Variants in SHROOM2 observed in about 807,000 individuals in gnomAD.
SHROOM2 encodes the protein shroom family member 2.
SHROOM2 carries 33 observed loss-of-function variants against 75.9 expected under a neutral mutation model. The ratio of observed to expected loss-of-function variants is 0.43; its 90% CI spans 0.33 to 0.58. The LOEUF is 0.58. Among genes scored for constraint, SHROOM2 ranks in the 20% least tolerant of loss-of-function variants. The pLI is 0.04. For missense variants in SHROOM2, 1,434 were observed against 1,461.2 expected (o/e 0.98, Z 0.30); for synonymous variants, 655 against 663.6 (o/e 0.99, Z 0.20).
At chrX:9,867,579 T>C (rs1275112055) in intron 1 of SHROOM2, among the ~76,000 whole-genome samples, 1 of 111,660 alleles carries the variant, frequency 9.0e-6, no homozygotes, top group Admixed American at 9.5e-5. Context: ...ATCATTGTGA[T>C]GCTATCACGC....
At chrX:9,796,650 TTTTGTTTG>T (rs1420670522) in intron 1 of SHROOM2, among the ~76,000 whole-genome samples, 1 of 110,007 alleles carries the variant, frequency 9.1e-6, no homozygotes, top group Non-Finnish European at 1.9e-5. Context: ...TTATTTGTTT[TTTTGTTTG>T]TTTTGATATG....
At chrX:9,915,907 T>TTC (rs756618334) in intron 5 of SHROOM2, among the ~76,000 whole-genome samples, 2 of 111,887 alleles carry the variant, frequency 1.8e-5, no homozygotes, top group African/African-American at 6.5e-5. Context: ...GATTGAGATT[T>TTC]TCTCTTAATT....
chrX:9,891,895 G>A (rs749510837), intron 3 of SHROOM2, among the ~76,000 whole-genome samples: 29 of 108,955 alleles, frequency 2.7e-4, no homozygotes, highest in East Asian at 8.8e-4. Flanking sequence ...GTGTGTGTGC[G>A]CGTGCGTGCA....
intron 5 of SHROOM2, among the ~76,000 whole-genome samples, chrX:9,913,871 T>C (rs2084457338): frequency 8.9e-6 from 1 of 111,998 alleles, no homozygotes; most frequent in Non-Finnish European, 1.9e-5. Context: ...AGTTGATGAA[T>C]GGTTGGCATA....
chrX:9,947,415 G>A lies in SHROOM2; in HGVS notation c.*478G>A, dbSNP rs1349692599. ...TTTGTCCCTGCTCGTTCAACAGTGT[G>A]AGCATTTGTCTCTGTTATCTAATGA... On this transcript the variant is annotated 3_prime_UTR_variant, in exon 10 of 10. Coordinates refer to ENST00000380913, the MANE Select transcript of SHROOM2 (RefSeq NM_001649.4). The A allele has an allele frequency of 8.2e-6, 1 of 121,273 alleles. No homozygotes were observed. The highest frequency in any genetic ancestry group is 1.7e-5 in the Non-Finnish European group (1 of 59,177). 10.0% of individuals were successfully genotyped at this position (121,273 alleles called of 1,213,427 possible).
At chrX:9,941,928 G>A (rs960862617) in intron 8 of SHROOM2, among the ~76,000 whole-genome samples, 9 of 97,383 alleles carry the variant, frequency 9.2e-5, no homozygotes, top group African/African-American at 2.7e-4. Context: ...CTGAGATAGC[G>A]CCACTGCACT....
intron 2 of SHROOM2, among the ~76,000 whole-genome samples, chrX:9,875,006 G>GGGAGGTC (rs2084190442): frequency 1.1e-5 from 1 of 93,946 alleles, no homozygotes; most frequent in Non-Finnish European, 2.1e-5. Context: ...CTTTGAGCCT[G>GGGAGGTC]GGAGGTCGAG....
In SHROOM2 at chrX:9,895,445, G is replaced by T. The variant is rs1449355450; in HGVS notation, c.1537G>T (p.Gly513Cys). Reference sequence around the variant, plus strand: ...CGAGAGTCTTCCCCCACCCACGGTGGGCCAGAGCCCACGCCATCACCTACC... The same window carrying T: ...CGAGAGTCTTCCCCCACCCACGGTGTGCCAGAGCCCACGCCATCACCTACC... ...ALESLPPPTVGQSPRHHLPQP... is the reference protein window; with the variant it reads ...ALESLPPPTVCQSPRHHLPQP... Residue 513 changes from glycine (G) to cysteine (C), a missense_variant, in exon 4 of 10, where the codon GGC (glycine) becomes TGC (cysteine). Coordinates refer to ENST00000380913, the MANE Select transcript of SHROOM2 (RefSeq NM_001649.4). 5 of 1,209,789 alleles carry T rather than the reference G, an allele frequency of 4.1e-6. No homozygotes were observed. The Admixed American group carries it at 6.5e-5, about 16-fold the overall frequency.
intron 1 of SHROOM2, chrX:9,819,088 A>T: frequency 8.3e-7 from 1 of 1,203,480 alleles, no homozygotes; most frequent in Non-Finnish European, 1.1e-6. Context: ...TTGAGAATGA[A>T]TGTGCAGAGT....
At chrX:9,859,201 C>T (rs1331901047) in intron 1 of SHROOM2, among the ~76,000 whole-genome samples, 2 of 111,987 alleles carry the variant, frequency 1.8e-5, no homozygotes, top group African/African-American at 6.5e-5. Flanking sequence ...AGCAACAGAG[C>T]GAGACTCCAT....
At position 9,944,744 on chromosome X, in the gene SHROOM2, T is replaced by C; in HGVS notation, c.4415T>C (p.Val1472Ala). 8.3e-7 allele frequency: 1 copy of C among 1,212,085 alleles called. No individual in the cohort carries two copies. Among genetic ancestry groups the C allele is most frequent in the Non-Finnish European group, 1.1e-6 (1 of 895,548 alleles). Residue 1472 changes from valine (V) to alanine (A), a missense_variant, in exon 9 of 10, where the codon GTG (valine) becomes GCG (alanine). By Grantham distance (64) the Val-to-Ala change is moderately conservative. Transcript: ENST00000380913. ...VQANTVLGAE[V>A]EAIVKGVCKP... The stretch of plus-strand genomic sequence containing the variant: ...GCCAACACCGTGCTGGGGGCCGAGG[T>C]GGAGGCCATCGTGAAAGGCGTCTGC...
At chrX:9,826,777 A>G (rs985667333) in intron 1 of SHROOM2, among the ~76,000 whole-genome samples, 1 of 112,338 alleles carries the variant, frequency 8.9e-6, no homozygotes, top group Admixed American at 9.5e-5. Context: ...CCCTGTCTCC[A>G]TAAAAAAGAA....
At chrX:9,808,473 A>T (rs957445459) in intron 1 of SHROOM2, among the ~76,000 whole-genome samples, 1 of 110,059 alleles carries the variant, frequency 9.1e-6, no homozygotes, top group African/African-American at 3.3e-5. Flanking sequence ...GGCTTGAGTC[A>T]GAGAGTTGGA....
At chrX:9,786,980 T>A (rs2083617817) in intron 1 of SHROOM2, among the ~76,000 whole-genome samples, 1 of 111,065 alleles carries the variant, frequency 9.0e-6, no homozygotes, top group African/African-American at 3.3e-5. Flanking sequence ...GGCCGGGTCC[T>A]CTGGCGCTCC....
intron 5 of SHROOM2, among the ~76,000 whole-genome samples, chrX:9,907,307 G>A (rs373223396): frequency 3.7e-4 from 41 of 110,772 alleles, no homozygotes; most frequent in African/African-American, 1.3e-3. Flanking sequence ...AACTGGAGCC[G>A]GTGTAACACA....
intron 2 of SHROOM2, 135 bp downstream of exon 2, chrX:9,873,938 G>T: frequency 1.7e-6 from 1 of 594,043 alleles, no homozygotes. Flanking sequence ...TATATGTCTC[G>T]GCCAAGCATG....
In SHROOM2 at chrX:9,949,071, G is replaced by C; in HGVS notation, c.*2134G>C. Reference sequence around the variant, plus strand: ...TTCTACACAGCAATACGTCGTGCTCGAGTATCCTTGTAGCAAAGCACATAG... The same window carrying C: ...TTCTACACAGCAATACGTCGTGCTCCAGTATCCTTGTAGCAAAGCACATAG... On this transcript the variant is annotated 3_prime_UTR_variant, in exon 10 of 10. Coordinates refer to ENST00000380913, the MANE Select transcript of SHROOM2 (RefSeq NM_001649.4). 1 of 211,755 alleles carries C rather than the reference G, an allele frequency of 4.7e-6. No individual in the cohort carries two copies. The highest frequency in any genetic ancestry group is 1.1e-4 in the East Asian group (1 of 9,207). The allele number at this position is 211,755 out of a possible 1,213,427, so 17.5% of individuals were successfully genotyped here. A position where few individuals can be genotyped will look rare whatever the true frequency, so the allele number is the denominator to read the frequency against.
chrX:9,870,892 C>G (rs1693094982), intron 1 of SHROOM2, among the ~76,000 whole-genome samples: 1 of 112,285 alleles, frequency 8.9e-6, no homozygotes, highest in South Asian at 3.7e-4. Context: ...GGCAGGTAAG[C>G]TATGTTATCC....
intron 5 of SHROOM2, among the ~76,000 whole-genome samples, chrX:9,906,565 C>T (rs2084392376): frequency 3.6e-5 from 4 of 112,528 alleles, no homozygotes; most frequent in South Asian, 7.2e-4. Flanking sequence ...GAAGCCAAGG[C>T]GGGTGGATCA....
Sources: gnomAD v4.1 joint callset for allele counts (sites outside exome capture counted in the v4.1 genomes callset) on GRCh38, gnomAD v4.1.1 for gene constraint, MANE v1.5 for transcripts, NCBI Gene and HGNC (gene_info 2026-07-23, HGNC 2026-07-21) for gene names.